BCL2: variants seen among roughly 807,000 people sequenced by gnomAD.
BCL2 encodes the protein BCL2 apoptosis regulator.
In BCL2, 1 loss-of-function variant was observed where a neutral mutation model predicts 14.2. The observed-to-expected ratio is 0.07, with a 90% CI of 0.02 to 0.33. The LOEUF is 0.33. Ranked by LOEUF, BCL2 falls within the 10% of genes least tolerant of loss-of-function variation. BCL2 has a pLI of 0.99. For missense variants in BCL2, 247 were observed against 305.9 expected, an observed-to-expected ratio of 0.81 and a Z score of 1.44; for synonymous variants, 151 against 137.2, an observed-to-expected ratio of 1.10 and a Z score of -0.70.
chr18:63,224,484 G>C (rs993394854), intron 2 of BCL2, among the ~76,000 whole-genome samples: 2 of 152,242 alleles, frequency 1.3e-5, no homozygotes, highest in African/African-American at 4.8e-5. Context: ...TTGGGAGATT[G>C]CGTGCAATAA....
chr18:63,183,177 C>T (rs1240767998), intron 2 of BCL2, among the ~76,000 whole-genome samples: 1 of 152,116 alleles, frequency 6.6e-6, no homozygotes, highest in Non-Finnish European at 1.5e-5. Context: ...GGCAGATGAG[C>T]GTGCAGAAGG....
intron 2 of BCL2, among the ~76,000 whole-genome samples, chr18:63,218,850 G>C (rs927047379): frequency 1.1e-4 from 10 of 94,538 alleles, no homozygotes; most frequent in African/African-American, 3.9e-4. Context: ...ATTGTGTTTG[G>C]TTGTTCTCTC....
At chr18:63,221,018 G>A (rs1910378005) in intron 2 of BCL2, among the ~76,000 whole-genome samples, 1 of 152,206 alleles carries the variant, frequency 6.6e-6, no homozygotes, top group Non-Finnish European at 1.5e-5. Flanking sequence ...GGCTCAACAA[G>A]CATTGGATCT....
At chr18:63,156,374 T>G (rs1269178553) in intron 2 of BCL2, among the ~76,000 whole-genome samples, 1 of 152,224 alleles carries the variant, frequency 6.6e-6, no homozygotes, top group African/African-American at 2.4e-5. Flanking sequence ...GGCTGCCCTG[T>G]GCACTGGAGG....
At chr18:63,211,246 C>T (rs1255173208) in intron 2 of BCL2, among the ~76,000 whole-genome samples, 1 of 151,628 alleles carries the variant, frequency 6.6e-6, no homozygotes, top group Non-Finnish European at 1.5e-5. Context: ...TCAGTAGAGA[C>T]GGGATTTCAC....
In BCL2 at chr18:63,128,219, C is replaced by T. The variant is rs1379515017; in HGVS notation, c.*406G>A. On this transcript the variant is annotated 3_prime_UTR_variant, in exon 3 of 3. Transcript: ENST00000333681. ...ATCAGGTCCTTTTTCCATCCGTCTG[C>T]TCTTCAGATGGTGATCCGGCCAACA... 1.7e-5 allele frequency: 4 copies of T among 234,852 alleles called. No homozygotes were observed. In the East Asian group the frequency reaches 2.4e-4, roughly 14 times the overall value. The allele number at this position is 234,852 out of a possible 1,614,324, so 14.5% of individuals were successfully genotyped here.
chr18:63,181,436 A>G (rs1915478767), intron 2 of BCL2, among the ~76,000 whole-genome samples: 1 of 152,186 alleles, frequency 6.6e-6, no homozygotes, highest in Admixed American at 6.5e-5. Flanking sequence ...TCACCTGTAG[A>G]GAGGATCCCA....
chr18:63,130,380 G>A (rs1190584750), intron 2 of BCL2, among the ~76,000 whole-genome samples: 4 of 152,166 alleles, frequency 2.6e-5, no homozygotes, highest in Non-Finnish European at 5.9e-5. Context: ...CTTTCTCTGG[G>A]GCAAGGGCTG....
intron 2 of BCL2, among the ~76,000 whole-genome samples, chr18:63,129,289 TTTC>T (rs1278077643): frequency 3.5e-4 from 9 of 25,896 alleles, no homozygotes; most frequent in East Asian, 3.5e-3. Flanking sequence ...AAACTTTTTC[TTTC>T]TTTTTTTTTT....
chr18:63,232,064 G>GA (rs1433528326), intron 2 of BCL2, among the ~76,000 whole-genome samples: 66 of 149,006 alleles, frequency 4.4e-4, no homozygotes, highest in Middle Eastern at 3.4e-3. Context: ...AAACTATGGG[G>GA]AAAACAAAAA....
intron 2 of BCL2, among the ~76,000 whole-genome samples, chr18:63,224,951 A>G (rs1279781890): frequency 6.6e-6 from 1 of 152,178 alleles, no homozygotes; most frequent in Non-Finnish European, 1.5e-5. Flanking sequence ...CTAGAATAAC[A>G]GTGAAGACAA....
At chr18:63,316,939 A>AAC (rs1242065877) in intron 2 of BCL2, 6 of 151,944 alleles carry the variant, frequency 3.9e-5, no homozygotes, top group Non-Finnish European at 7.4e-5. Context: ...AAAGTGTAAA[A>AAC]AAAAAAAAAA....
intron 2 of BCL2, among the ~76,000 whole-genome samples, chr18:63,218,656 TC>T (rs377142063): frequency 5.1e-4 from 30 of 59,088 alleles, no homozygotes; most frequent in Admixed American, 7.4e-4. Context: ...CCTCCACTCA[TC>T]CCCATCCTCC....
At chr18:63,146,136 C>T (rs935234811) in intron 2 of BCL2, among the ~76,000 whole-genome samples, 3 of 152,194 alleles carry the variant, frequency 2.0e-5, no homozygotes, top group Non-Finnish European at 2.9e-5. Context: ...TCCTCAGCTC[C>T]GATCCCCACA....
At chr18:63,199,606 A>C (rs1262677420) in intron 2 of BCL2, among the ~76,000 whole-genome samples, 2 of 151,546 alleles carry the variant, frequency 1.3e-5, no homozygotes, top group African/African-American at 4.9e-5. Context: ...AGACACACAT[A>C]CAACACATGC....
intron 2 of BCL2, among the ~76,000 whole-genome samples, chr18:63,218,647 C>T (rs970211098): frequency 3.3e-4 from 49 of 148,268 alleles, no homozygotes; most frequent in Middle Eastern, 3.5e-3. Flanking sequence ...TCATCCCATC[C>T]TCCACTCATC....
intron 2 of BCL2, among the ~76,000 whole-genome samples, chr18:63,212,895 G>T (rs969400540): frequency 2.0e-5 from 3 of 151,860 alleles, no homozygotes; most frequent in African/African-American, 7.3e-5. Context: ...AAAAAAAGTT[G>T]CTACCTTTAC....
At chr18:63,288,527 T>C (rs778971417) in intron 2 of BCL2, among the ~76,000 whole-genome samples, 3 of 152,226 alleles carry the variant, frequency 2.0e-5, no homozygotes, top group Non-Finnish European at 4.4e-5. Flanking sequence ...ATTGACTTGC[T>C]ATTAGTCAGT....
chr18:63,268,814 A>G (rs8094315), intron 2 of BCL2, among the ~76,000 whole-genome samples: 27,392 of 152,156 alleles, frequency 0.18, 2,982 homozygotes, highest in East Asian at 0.39. Flanking sequence ...TTCAAATTTC[A>G]TATTTGCCAG....
Sources: gnomAD v4.1 joint callset for allele counts (sites outside exome capture counted in the v4.1 genomes callset) on GRCh38, gnomAD v4.1.1 for gene constraint, MANE v1.5 for transcripts, NCBI Gene and HGNC (gene_info 2026-07-23, HGNC 2026-07-21) for gene names.